Variants in STXBP5 observed in about 807,000 individuals in gnomAD.
STXBP5 encodes syntaxin binding protein 5.
In STXBP5, 50 loss-of-function variants were observed where a neutral mutation model predicts 152.4. That is an observed-to-expected ratio of 0.33 (90% CI 0.26 to 0.42). STXBP5 has a LOEUF of 0.42. Ranked by LOEUF, STXBP5 falls within the 10% of genes least tolerant of loss-of-function variation. The probability of loss-of-function intolerance (pLI) is 1.00; values close to 1 mark genes in which losing one functional copy is unlikely to be tolerated. For missense variants in STXBP5, 1,167 were observed against 1,388.6 expected (o/e 0.84, Z 2.54); for synonymous variants, 492 against 494.7 (o/e 0.99, Z 0.07).
intron 2 of STXBP5, among the ~76,000 whole-genome samples, chr6:147,220,989 A>G (rs1391027952): frequency 6.6e-6 from 1 of 151,864 alleles, no homozygotes; most frequent in African/African-American, 2.4e-5. Context: ...TTAATTGACC[A>G]TTTTATATGG....
chr6:147,264,686 A>T (rs1438446306), intron 6 of STXBP5, among the ~76,000 whole-genome samples: 1 of 152,128 alleles, frequency 6.6e-6, no homozygotes, highest in African/African-American at 2.4e-5. Context: ...GCTAATTAAC[A>T]TCTCTATGGG....
At chr6:147,273,963 A>AT (rs1006205588) in intron 7 of STXBP5, among the ~76,000 whole-genome samples, 1 of 152,096 alleles carries the variant, frequency 6.6e-6, no homozygotes, top group African/African-American at 2.4e-5. Context: ...AAAAAAAAAA[A>AT]AAGTTGAAAT....
chr6:147,319,785 C>T lies in STXBP5; in HGVS notation c.1802+3378C>T, dbSNP rs538353635. On this transcript the variant is annotated intron_variant, in intron 16 of 27. Transcript: ENST00000321680. ...ACCTGTAATTGCTTACTAGAATCTACGAAGGAGCCCAGTAATTATACTTCT... is the reference window on the plus strand; with the variant it reads ...ACCTGTAATTGCTTACTAGAATCTATGAAGGAGCCCAGTAATTATACTTCT... Among the ~76,000 whole-genome samples, 15 of 145,934 alleles carry T rather than the reference C, an allele frequency of 1.0e-4. No individual in the cohort carries two copies. In the South Asian group the frequency reaches 1.1e-3, roughly 11 times the overall value.
rs182099014 is a variant in STXBP5 at position 147,379,139 on chromosome 6, C to G, written c.3194-3639C>G. Among the ~76,000 whole-genome samples the G allele has an allele frequency of 2.4e-4, 37 of 152,190 alleles. 1 individual carries two copies. In the East Asian group the frequency reaches 6.4e-3, roughly 26 times the overall value. On this transcript the variant is annotated intron_variant, in intron 26 of 27. Transcript: ENST00000321680. ...AAAAAACTCTTTGCTTTTAAAGACCCATGTGATTAGGTTAGGCTTACCTAA... is the reference window on the plus strand; with the variant it reads ...AAAAAACTCTTTGCTTTTAAAGACCGATGTGATTAGGTTAGGCTTACCTAA...
rs1260292732 is a variant in STXBP5 at position 147,389,221 on chromosome 6, TA to T, written c.*4468del. On this transcript the variant is annotated 3_prime_UTR_variant, in exon 28 of 28. Coordinates refer to ENST00000321680, the MANE Select transcript of STXBP5 (RefSeq NM_001127715.4). The stretch of plus-strand genomic sequence containing the variant: ...TGGGAATTATTTTTCCTGTGAATAT[TA>T]ATGATTTTACTACTGCCTCCGAAGT... 2.6e-5 allele frequency: 4 copies of T among 151,884 alleles called. No homozygotes were observed. In the East Asian group the frequency reaches 7.7e-4, roughly 29 times the overall value. The allele number at this position is 151,884 out of a possible 1,614,324, so 9.4% of individuals were successfully genotyped here. A position where few individuals can be genotyped will look rare whatever the true frequency, so the allele number is the denominator to read the frequency against.
intron 21 of STXBP5, among the ~76,000 whole-genome samples, chr6:147,348,434 C>T (rs539359554): frequency 6.6e-6 from 1 of 150,854 alleles, no homozygotes; most frequent in South Asian, 2.1e-4. Context: ...GGTAGATAAG[C>T]GATAACTAGT....
At chr6:147,235,129 C>A in intron 2 of STXBP5, 121 bp from the exon 3 acceptor site, 1 of 733,714 alleles carries the variant, frequency 1.4e-6, no homozygotes, top group Non-Finnish European at 2.2e-6. Context: ...TAAATCTCAA[C>A]TTCAGTAAAT....
At position 147,370,907 on chromosome 6, in the gene STXBP5, A is replaced by G. The variant is rs73588335; in HGVS notation, c.3082-2824A>G. Reference sequence around the variant, plus strand: ...ATTAAAATCAGTGATTATTTGATGCACTGTAAAGGACTTTGTAGTGGCATC... The same window carrying G: ...ATTAAAATCAGTGATTATTTGATGCGCTGTAAAGGACTTTGTAGTGGCATC... On this transcript the variant is annotated intron_variant, in intron 25 of 27. Coordinates refer to ENST00000321680, the MANE Select transcript of STXBP5 (RefSeq NM_001127715.4). Among the ~76,000 whole-genome samples, 557 of 152,148 alleles carry G rather than the reference A, an allele frequency of 3.7e-3. 4 individuals are homozygous for G. Among genetic ancestry groups the G allele is most frequent in the African/African-American group, 0.013 (532 of 41,552 alleles).
rs966236530 is a variant in STXBP5 at position 147,386,165 on chromosome 6, GA to G, written c.*1411del. The G allele has an allele frequency of 2.3e-4, 35 of 152,016 alleles. No homozygotes were observed. The South Asian group carries it at 3.1e-3, about 13-fold the overall frequency. 9.4% of individuals were successfully genotyped at this position (152,016 alleles called of 1,614,324 possible). A position where few individuals can be genotyped will look rare whatever the true frequency, so the allele number is the denominator to read the frequency against. On this transcript the variant is annotated 3_prime_UTR_variant, in exon 28 of 28. Transcript: ENST00000321680. The stretch of plus-strand genomic sequence containing the variant: ...TACAGACTAATCTGAGATTATTATT[GA>G]TTGTTGTTAAAGCAACCCAGCAAAA...
At position 147,324,341 on chromosome 6, in the gene STXBP5, C is replaced by T. The variant is rs140301931; in HGVS notation, c.1803-618C>T. On this transcript the variant is annotated intron_variant, in intron 16 of 27. Transcript: ENST00000321680. ...AGGCTGGAGTACAATGGCGCGATCT[C>T]GGCTCACTGCAACTTCTGCCTCCCG... Among the ~76,000 whole-genome samples, 1,262 of 126,344 alleles carry T rather than the reference C, an allele frequency of 1.0e-2. 14 individuals carry two copies. The highest frequency in any genetic ancestry group is 0.014 in the South Asian group (52 of 3,694). The allele number at this position is 126,344 out of a possible 152,430, so 82.9% of individuals were successfully genotyped here.
At chr6:147,360,351 T>A (rs1439838403) in intron 23 of STXBP5, among the ~76,000 whole-genome samples, 2 of 152,192 alleles carry the variant, frequency 1.3e-5, no homozygotes, top group Non-Finnish European at 2.9e-5. Flanking sequence ...TGCACATGTA[T>A]GTTTATAGCG....
At chr6:147,364,684 A>G (rs566034382) in intron 25 of STXBP5, among the ~76,000 whole-genome samples, 1 of 152,238 alleles carries the variant, frequency 6.6e-6, no homozygotes, top group Admixed American at 6.5e-5. Flanking sequence ...TCCTTTTTTA[A>G]GTATTTGAGT....
At chr6:147,295,700 C>G (rs999464451) in intron 9 of STXBP5, among the ~76,000 whole-genome samples, 9 of 152,236 alleles carry the variant, frequency 5.9e-5, no homozygotes, top group African/African-American at 2.2e-4. Context: ...CCCATTACCA[C>G]TGCAGGCACA....
chr6:147,300,955 CA>C (rs935699736), intron 9 of STXBP5, among the ~76,000 whole-genome samples: 220 of 137,314 alleles, frequency 1.6e-3, no homozygotes, highest in Non-Finnish European at 1.9e-3. Flanking sequence ...GTTCAATAGC[CA>C]AAAAAAAAAA....
At chr6:147,296,733 C>G (rs1351022537) in intron 9 of STXBP5, among the ~76,000 whole-genome samples, 4 of 151,858 alleles carry the variant, frequency 2.6e-5, no homozygotes, top group African/African-American at 7.3e-5. Flanking sequence ...AACAATTCAA[C>G]AAAATCAGAA....
chr6:147,359,015 T>C, intron 22 of STXBP5, 69 bp from the exon 23 acceptor site: 1 of 1,540,266 alleles, frequency 6.5e-7, no homozygotes, highest in South Asian at 1.3e-5. Context: ...ACCAAATTTA[T>C]ATTAAAAAAC....
rs115511798 is a variant in STXBP5, at chr6:147,255,736, A to G, written c.432-4879A>G. Among the ~76,000 whole-genome samples the G allele has an allele frequency of 5.4e-3, 824 of 151,542 alleles. 9 individuals are homozygous for G. The highest frequency in any genetic ancestry group is 0.019 in the African/African-American group (798 of 41,292). The stretch of plus-strand genomic sequence containing the variant: ...CTATATTGCCCCGGGCTCATCTTGA[A>G]CTCCTAAGCTCAAGTGATCCTCCAG... On this transcript the variant is annotated intron_variant, in intron 4 of 27. Coordinates refer to ENST00000321680, the MANE Select transcript of STXBP5 (RefSeq NM_001127715.4).
intron 19 of STXBP5, among the ~76,000 whole-genome samples, chr6:147,335,464 GA>G (rs1783777490): frequency 6.6e-6 from 1 of 152,114 alleles, no homozygotes; most frequent in Non-Finnish European, 1.5e-5. Context: ...TGGAACATGT[GA>G]TATATTACAC....
At chr6:147,380,758 A>G (rs1786047314) in intron 26 of STXBP5, among the ~76,000 whole-genome samples, 2 of 152,280 alleles carry the variant, frequency 1.3e-5, no homozygotes, top group African/African-American at 4.8e-5. Context: ...TTTGCAAATC[A>G]CATATCTGAT....
Sources: gnomAD v4.1 joint callset for allele counts (sites outside exome capture counted in the v4.1 genomes callset) on GRCh38, gnomAD v4.1.1 for gene constraint, MANE v1.5 for transcripts, NCBI Gene and HGNC (gene_info 2026-07-23, HGNC 2026-07-21) for gene names.